CADPS2: variants seen among roughly 807,000 people sequenced by gnomAD.
The protein encoded by CADPS2 is calcium dependent secretion activator 2.
In CADPS2, 93 loss-of-function variants were observed where a neutral mutation model predicts 172.5. The ratio of observed to expected loss-of-function variants is 0.54; its 90% CI spans 0.46 to 0.64. The LOEUF is 0.64. CADPS2 is among the 30% of genes least tolerant of loss of function. The pLI, the probability that CADPS2 is intolerant of heterozygous loss-of-function variation, is 0.00. For synonymous variants in CADPS2, 546 were observed against 555.2 expected (o/e 0.98, Z 0.23); for missense variants, 1,420 against 1,565.9 (o/e 0.91, Z 1.57).
intron 17 of CADPS2, among the ~76,000 whole-genome samples, chr7:122,419,527 C>T (rs751920865): frequency 5.9e-5 from 9 of 152,044 alleles, no homozygotes; most frequent in Non-Finnish European, 1.3e-4. Context: ...TTCTTGAACC[C>T]CTTAAATTAT....
At position 122,391,420 on chromosome 7, in the gene CADPS2, G is replaced by A. The variant is rs547224932; in HGVS notation, c.3008+1776C>T. Reference sequence around the variant, plus strand: ...GATTACTAACAAAAAAATAAATTTCGCAGGATAATGCCCATGATAGTGTTC... The same window carrying A: ...GATTACTAACAAAAAAATAAATTTCACAGGATAATGCCCATGATAGTGTTC... On this transcript the variant is annotated intron_variant, in intron 22 of 29. Coordinates refer to ENST00000449022, the MANE Select transcript of CADPS2 (RefSeq NM_017954.11). Among the ~76,000 whole-genome samples the A allele has an allele frequency of 1.9e-4, 29 of 152,044 alleles. No homozygotes were observed. In the South Asian group the frequency reaches 3.9e-3, roughly 21 times the overall value.
intron 28 of CADPS2, among the ~76,000 whole-genome samples, chr7:122,332,987 G>T (rs901234273): frequency 2.0e-5 from 3 of 152,138 alleles, no homozygotes; most frequent in African/African-American, 7.2e-5. Context: ...ACAATCAGTT[G>T]TTCTGCCCTC....
chr7:122,495,576 T>C (rs951228530), intron 9 of CADPS2, among the ~76,000 whole-genome samples: 17 of 152,210 alleles, frequency 1.1e-4, no homozygotes, highest in African/African-American at 4.1e-4. Flanking sequence ...TTCACTTTTT[T>C]TCACTTGTCC....
intron 3 of CADPS2, among the ~76,000 whole-genome samples, chr7:122,650,652 T>C (rs1241649631): frequency 2.0e-5 from 3 of 152,172 alleles, no homozygotes; most frequent in Non-Finnish European, 4.4e-5. Context: ...TTTAGAATAT[T>C]CTTATGTAAC....
chr7:122,779,021 T>C (rs2093966655), intron 1 of CADPS2, among the ~76,000 whole-genome samples: 1 of 152,110 alleles, frequency 6.6e-6, no homozygotes, highest in African/African-American at 2.4e-5. Context: ...CAAGATCTGA[T>C]GGTTTCACTA....
chr7:122,541,143 A>T (rs2062872276), intron 8 of CADPS2, among the ~76,000 whole-genome samples: 1 of 152,060 alleles, frequency 6.6e-6, no homozygotes, highest in Non-Finnish European at 1.5e-5. Flanking sequence ...TAGAAAAAGC[A>T]GCACTTTTAA....
At chr7:122,650,045 A>G (rs1363434802) in intron 3 of CADPS2, among the ~76,000 whole-genome samples, 1 of 150,170 alleles carries the variant, frequency 6.7e-6, no homozygotes, top group Non-Finnish European at 1.5e-5. Flanking sequence ...AGTAGCTGGG[A>G]TTACATGCGC....
chr7:122,596,999 GGA>G (rs1397715997), intron 6 of CADPS2, among the ~76,000 whole-genome samples: 2 of 152,016 alleles, frequency 1.3e-5, no homozygotes, highest in Admixed American at 1.3e-4. Flanking sequence ...GATTACCTGG[GGA>G]GAGAGGACAC....
chr7:122,471,257 T>A, intron 14 of CADPS2, 118 bp downstream of exon 14: 5 of 448,106 alleles, frequency 1.1e-5, no homozygotes, highest in East Asian at 5.0e-5. Flanking sequence ...TTTTTTTTCC[T>A]TGTAAGAAGT....
At chr7:122,804,049 G>A (rs1014951967) in intron 1 of CADPS2, among the ~76,000 whole-genome samples, 1 of 150,212 alleles carries the variant, frequency 6.7e-6, no homozygotes, top group African/African-American at 2.5e-5. Flanking sequence ...CTCTCCTTTG[G>A]CCAGTTCACT....
chr7:122,724,248 A>C (rs1176974094), intron 2 of CADPS2, among the ~76,000 whole-genome samples: 1 of 152,060 alleles, frequency 6.6e-6, no homozygotes, highest in Non-Finnish European at 1.5e-5. Context: ...CTGTGGGCTC[A>C]TGGAAGTCAG....
At chr7:122,782,073 ATAT>A (rs2139417727) in intron 1 of CADPS2, among the ~76,000 whole-genome samples, 1 of 152,290 alleles carries the variant, frequency 6.6e-6, no homozygotes, top group East Asian at 1.9e-4. Flanking sequence ...CAGTTGTATC[ATAT>A]TATTCTAAAT....
At chr7:122,606,875 G>A (rs1292697178) in intron 6 of CADPS2, among the ~76,000 whole-genome samples, 1 of 152,066 alleles carries the variant, frequency 6.6e-6, no homozygotes, top group Non-Finnish European at 1.5e-5. Flanking sequence ...AGTAGCCCAG[G>A]GGAAGAGGAA....
intron 6 of CADPS2, among the ~76,000 whole-genome samples, chr7:122,606,545 C>A (rs2073569991): frequency 6.6e-6 from 1 of 152,096 alleles, no homozygotes; most frequent in Admixed American, 6.6e-5. Flanking sequence ...ATATCTTTCA[C>A]ATGGAACTTC....
At chr7:122,845,820 A>G (rs1811844843) in intron 1 of CADPS2, among the ~76,000 whole-genome samples, 1 of 152,200 alleles carries the variant, frequency 6.6e-6, no homozygotes, top group South Asian at 2.1e-4. Flanking sequence ...CCATGTTATT[A>G]CCCAAGCAAA....
chr7:122,788,617 G>A (rs1276553293), intron 1 of CADPS2, among the ~76,000 whole-genome samples: 2 of 152,126 alleles, frequency 1.3e-5, no homozygotes, highest in Admixed American at 6.6e-5. Flanking sequence ...TGGTTTCTCT[G>A]CTGTAGAGTC....
At chr7:122,398,738 TTCTCTC>T (rs375630670) in intron 20 of CADPS2, among the ~76,000 whole-genome samples, 97 of 131,468 alleles carry the variant, frequency 7.4e-4, no homozygotes, top group African/African-American at 2.0e-3. Flanking sequence ...GAAAACACTC[TTCTCTC>T]TCTCTCTCTC....
At chr7:122,646,819 G>T (rs1256758475) in intron 3 of CADPS2, among the ~76,000 whole-genome samples, 2 of 152,144 alleles carry the variant, frequency 1.3e-5, no homozygotes, top group African/African-American at 2.4e-5. Flanking sequence ...ATTAGAAGGA[G>T]AAAGTAGGTA....
chr7:122,729,402 T>C (rs557310344), intron 2 of CADPS2, among the ~76,000 whole-genome samples: 1 of 151,956 alleles, frequency 6.6e-6, no homozygotes, highest in Admixed American at 6.6e-5. Context: ...GATTGCTGAA[T>C]CTTATGGTAT....
Sources: allele counts gnomAD v4.1 joint callset (sites outside exome capture counted in the v4.1 genomes callset), GRCh38; gene constraint gnomAD v4.1.1; transcripts MANE v1.5; gene names NCBI Gene and HGNC (gene_info 2026-07-23, HGNC 2026-07-21).